The following PRAMEF9 variants were observed in gnomAD, a reference collection of about 807,000 sequenced individuals.
The protein encoded by PRAMEF9 is PRAME family member 9/15.
Under a neutral mutation model 10.9 loss-of-function variants are expected in PRAMEF9, and 1 was observed. That is an observed-to-expected ratio of 0.09 (90% CI 0.03 to 0.44). PRAMEF9 has a LOEUF of 0.44. Among genes scored for constraint, PRAMEF9 ranks in the 20% least tolerant of loss-of-function variants. The pLI, the probability that PRAMEF9 is intolerant of heterozygous loss-of-function variation, is 0.97. For synonymous variants in PRAMEF9, 40 were observed against 148.3 expected, an observed-to-expected ratio of 0.27 and a Z score of 5.31; for missense variants, 126 against 379.8, an observed-to-expected ratio of 0.33 and a Z score of 5.55.
intron 1 of PRAMEF9, 107 bp from the exon 2 acceptor site, chr1:13,175,158 G>C: frequency 1.6e-6 from 2 of 1,254,762 alleles, no homozygotes; most frequent in Non-Finnish European, 2.3e-6. Context: ...GTAAACTGAG[G>C]GCTGTTTCAC....
Position 13,172,339 on chromosome 1 carries a change from C to G in PRAMEF9, c.-210C>G, listed in dbSNP as rs1423484764. 6.2e-5 allele frequency: 9 copies of G among 144,186 alleles called. No individual in the cohort carries two copies. Among genetic ancestry groups the G allele is most frequent in the African/African-American group, 2.0e-4 (8 of 40,996 alleles). The allele number at this position is 144,186 out of a possible 1,614,324, so 8.9% of individuals were successfully genotyped here. On this transcript the variant is annotated 5_prime_UTR_variant, in exon 1 of 4. Transcript: ENST00000415919. ...ATTACCTGGGTGGAGTGGAGCTTCA[C>G]AAATGCAATCAGATATCATTTTTTG...
chr1:13,172,593 G>A (rs1638338520), intron 1 of PRAMEF9, 61 bp downstream of exon 1: 2 of 138,048 alleles, frequency 1.4e-5, no homozygotes, highest in African/African-American at 4.9e-5. Context: ...AGTCTGGGAT[G>A]GTGACAGTGC....
chr1:13,177,298 C>CT (rs1362820148), intron 3 of PRAMEF9: 358 of 52,650 alleles, frequency 6.8e-3, no homozygotes, highest in South Asian at 0.029. Flanking sequence ...AACAAGATAA[C>CT]TTTTTTTTTT....
In PRAMEF9 at chr1:13,179,110, A is replaced by T. The variant is rs1406067172; in HGVS notation, c.1415A>T (p.Glu472Val). The T allele has an allele frequency of 6.5e-7, 1 of 1,540,534 alleles. No individual in the cohort carries two copies. The highest frequency in any genetic ancestry group is 8.9e-7 in the Non-Finnish European group (1 of 1,122,204). ...GGCAACAGGTCATTTTATGACCTGG[A>T]GGCAGATCAATACTGCTGTTGAATG... is the stretch of plus-strand genomic sequence containing the variant. ...DCGNRSFYDL[E>V]ADQYCC The change falls in exon 4 of 4, where the codon GAG becomes GTG. Residue 472 changes from glutamate (E) to valine (V), a missense_variant. Transcript: ENST00000415919.
rs1638318165 is a variant in PRAMEF9 at position 13,171,863 on chromosome 1, C to G, written c.-686C>G. ...TGGAATCAAATGTAGTTCTCTCTCT[C>G]TCTTTTTTCTTTTTCTTTTTTTTTT... On this transcript the variant is annotated 5_prime_UTR_variant, in exon 1 of 4. Coordinates refer to ENST00000415919, the MANE Select transcript of PRAMEF9 (RefSeq NM_001010890.3). 2.3e-5 allele frequency: 3 copies of G among 131,444 alleles called. No homozygotes were observed. The highest frequency in any genetic ancestry group is 8.5e-5 in the Admixed American group (1 of 11,722). The allele number at this position is 131,444 out of a possible 1,614,324, so 8.1% of individuals were successfully genotyped here.
chr1:13,172,242 A>G lies in PRAMEF9; in HGVS notation c.-307A>G, dbSNP rs1280867322. 1 of 144,782 alleles carries G rather than the reference A, an allele frequency of 6.9e-6. No homozygotes were observed. Among genetic ancestry groups the G allele is most frequent in the South Asian group, 2.2e-4 (1 of 4,582 alleles). 9.0% of individuals were successfully genotyped at this position (144,782 alleles called of 1,614,324 possible). A position where few individuals can be genotyped will look rare whatever the true frequency, so the allele number is the denominator to read the frequency against. ...GTCAATTTCTTGCTTCGTGAAGTGAATATAGATATGTGATATGAATGGACA... is the reference window on the plus strand; with the variant it reads ...GTCAATTTCTTGCTTCGTGAAGTGAGTATAGATATGTGATATGAATGGACA... On this transcript the variant is annotated 5_prime_UTR_variant, in exon 1 of 4. Transcript: ENST00000415919.
chr1:13,178,978 T>C lies in PRAMEF9; in HGVS notation c.1283T>C (p.Leu428Pro). The change falls in exon 4 of 4, where the codon CTC (leucine) becomes CCC (proline). Residue 428 changes from leucine to proline, a missense_variant. Coordinates refer to ENST00000415919, the MANE Select transcript of PRAMEF9 (RefSeq NM_001010890.3). ...PRESYGADGT[L>P]CWSRFAQIRA... is the part of the protein sequence containing the mutation. ...GAGAGTTATGGTGCTGATGGTACTC[T>C]CTGCTGGAGCAGATTTGCTCAAATT... 1 of 1,540,544 alleles carries C rather than the reference T, an allele frequency of 6.5e-7. No individual in the cohort carries two copies. Among genetic ancestry groups the C allele is most frequent in the Non-Finnish European group, 8.9e-7 (1 of 1,122,822 alleles).
chr1:13,175,059 T>G lies in PRAMEF9; in HGVS notation c.-16-206T>G, dbSNP rs1435892282. 6.7e-6 allele frequency: 4 copies of G among 596,976 alleles called. No individual in the cohort carries two copies. The Admixed American group carries it at 9.6e-5, about 14-fold the overall frequency. The allele number at this position is 596,976 out of a possible 1,614,324, so 37.0% of individuals were successfully genotyped here. On this transcript the variant is annotated intron_variant, in intron 1 of 3. Transcript: ENST00000415919. Reference sequence around the variant, plus strand: ...AGAAAGGAAGGGCTCGTGGTGACCCTGCTTCCTCACTGCTTCGGAGACGCT... The same window carrying G: ...AGAAAGGAAGGGCTCGTGGTGACCCGGCTTCCTCACTGCTTCGGAGACGCT...
At position 13,175,593 on chromosome 1, in the gene PRAMEF9, C is replaced by T. The variant is rs1348342950; in HGVS notation, c.293+20C>T. The T allele has an allele frequency of 9.2e-6, 14 of 1,520,774 alleles. 2 individuals carry two copies. The highest frequency in any genetic ancestry group is 2.2e-4 in the Middle Eastern group (1 of 4,554). The allele number at this position is 1,520,774 out of a possible 1,614,324, so 94.2% of individuals were successfully genotyped here. On this transcript the variant is annotated intron_variant, in intron 2 of 3. Coordinates refer to ENST00000415919, the MANE Select transcript of PRAMEF9 (RefSeq NM_001010890.3). ...TCCCAGGTGAGGTGGCCCAGGTGGG[C>T]TGGTGGGGAGGGCCCAGGTGTCCAA...
rs1447712040 is a variant in PRAMEF9, at chr1:13,172,390, G to A, written c.-159G>A. On this transcript the variant is annotated 5_prime_UTR_variant, in exon 1 of 4. Coordinates refer to ENST00000415919, the MANE Select transcript of PRAMEF9 (RefSeq NM_001010890.3). ...ATTGGAAGCTAGCAGCGGATACGTG[G>A]AGGGGCGTGGGTGGGAGTTATGATT... is the stretch of plus-strand genomic sequence containing the variant. The A allele has an allele frequency of 2.1e-5, 3 of 143,908 alleles. No homozygotes were observed. Among genetic ancestry groups the A allele is most frequent in the East Asian group, 2.2e-4 (1 of 4,526 alleles). 8.9% of individuals were successfully genotyped at this position (143,908 alleles called of 1,614,324 possible).
chr1:13,172,241 A>C lies in PRAMEF9; in HGVS notation c.-308A>C, dbSNP rs1443390821. On this transcript the variant is annotated 5_prime_UTR_variant, in exon 1 of 4. The change abolishes the stop of an existing upstream ORF in the 5' untranslated region. Transcript: ENST00000415919. The stretch of plus-strand genomic sequence containing the variant: ...TGTCAATTTCTTGCTTCGTGAAGTG[A>C]ATATAGATATGTGATATGAATGGAC... The C allele has an allele frequency of 6.9e-6, 1 of 144,810 alleles. No individual in the cohort carries two copies. The highest frequency in any genetic ancestry group is 1.6e-5 in the Non-Finnish European group (1 of 64,030). 9.0% of individuals were successfully genotyped at this position (144,810 alleles called of 1,614,324 possible).
Position 13,175,513 on chromosome 1 carries a change from A to G in PRAMEF9, c.233A>G (p.Glu78Gly). 2 of 1,531,822 alleles carry G rather than the reference A, an allele frequency of 1.3e-6. 1 individual carries two copies. The highest frequency in any genetic ancestry group is 2.3e-5 in the South Asian group (2 of 88,590). 94.9% of individuals were successfully genotyped at this position (1,531,822 alleles called of 1,614,324 possible). The change falls in exon 2 of 4, where the codon GAG becomes GGG. Residue 78 changes from glutamate to glycine, a missense_variant. Physicochemically the swap from Glu to Gly is moderately conservative, Grantham distance 98 (BLOSUM62 -2). Transcript: ENST00000415919. ...CCTCTGATAAAGATGCCTTGTCTGG[A>G]GGCCTTCCAAGCTGTGCTCGATGGG... is the stretch of plus-strand genomic sequence containing the variant. ...LRPLIKMPCLEAFQAVLDGLD... is the reference protein window; with the variant it reads ...LRPLIKMPCLGAFQAVLDGLD...
In PRAMEF9 at chr1:13,172,066, G is replaced by A. The variant is rs1368212646; in HGVS notation, c.-483G>A. 3.5e-5 allele frequency: 5 copies of A among 142,772 alleles called. No homozygotes were observed. Among genetic ancestry groups the A allele is most frequent in the African/African-American group, 1.2e-4 (5 of 40,844 alleles). The allele number at this position is 142,772 out of a possible 1,614,324, so 8.8% of individuals were successfully genotyped here. A position where few individuals can be genotyped will look rare whatever the true frequency, so the allele number is the denominator to read the frequency against. Reference sequence around the variant, plus strand: ...ATTTTTGTAATTTTAGTAGAGGTAGGGTTTTACCATGTTGGCCAGGCTTGT... The same window carrying A: ...ATTTTTGTAATTTTAGTAGAGGTAGAGTTTTACCATGTTGGCCAGGCTTGT... On this transcript the variant is annotated 5_prime_UTR_variant, in exon 1 of 4. Coordinates refer to ENST00000415919, the MANE Select transcript of PRAMEF9 (RefSeq NM_001010890.3).
At chr1:13,172,840 C>G (rs1638343131) in intron 1 of PRAMEF9, 1 of 141,264 alleles carries the variant, frequency 7.1e-6, no homozygotes, top group African/African-American at 2.5e-5. Flanking sequence ...TGAGACCAAC[C>G]TGGGCAACAT....
rs1468124694 is a variant in PRAMEF9, at chr1:13,172,845, C to T, written c.-17+313C>T. 5 of 140,952 alleles carry T rather than the reference C, an allele frequency of 3.5e-5. 2 individuals are homozygous for T. Among genetic ancestry groups the T allele is most frequent in the Non-Finnish European group, 8.0e-5 (5 of 62,196 alleles). 8.7% of individuals were successfully genotyped at this position (140,952 alleles called of 1,614,324 possible). On this transcript the variant is annotated intron_variant, in intron 1 of 3. Coordinates refer to ENST00000415919, the MANE Select transcript of PRAMEF9 (RefSeq NM_001010890.3). ...CCCAGGGGTTTGAGACCAACCTGGGCAACATGACAAAAACCCTCCTCTACA... is the reference window on the plus strand; with the variant it reads ...CCCAGGGGTTTGAGACCAACCTGGGTAACATGACAAAAACCCTCCTCTACA...
chr1:13,172,338 A>G lies in PRAMEF9; in HGVS notation c.-211A>G, dbSNP rs1170195089. Reference sequence around the variant, plus strand: ...GATTACCTGGGTGGAGTGGAGCTTCACAAATGCAATCAGATATCATTTTTT... The same window carrying G: ...GATTACCTGGGTGGAGTGGAGCTTCGCAAATGCAATCAGATATCATTTTTT... On this transcript the variant is annotated 5_prime_UTR_variant, in exon 1 of 4. Transcript: ENST00000415919. The G allele has an allele frequency of 6.2e-5, 9 of 144,282 alleles. No individual in the cohort carries two copies. The highest frequency in any genetic ancestry group is 2.2e-4 in the African/African-American group (9 of 41,016). 8.9% of individuals were successfully genotyped at this position (144,282 alleles called of 1,614,324 possible).
At chr1:13,172,573 A>AGAGT (rs1638338064) in intron 1 of PRAMEF9, 41 bp downstream of exon 1, 1 of 139,842 alleles carries the variant, frequency 7.2e-6, no homozygotes, top group East Asian at 2.5e-4. Context: ...CATCTGACCT[A>AGAGT]CAGTCAGTCA....
chr1:13,175,529 G>T lies in PRAMEF9; in HGVS notation c.249G>T (p.Val83=). 6.5e-7 allele frequency: 1 copy of T among 1,534,284 alleles called. No individual in the cohort carries two copies. The highest frequency in any genetic ancestry group is 8.9e-7 in the Non-Finnish European group (1 of 1,119,284). ...CTTGTCTGGAGGCCTTCCAAGCTGT[G>T]CTCGATGGGCTGGATGCACTGCTTA... ...KMPCLEAFQA[V]LDGLDALLTQ... is the part of the protein sequence containing the mutation. Residue 83 remains valine, a synonymous_variant, in exon 2 of 4, where the codon GTG becomes GTT. Coordinates refer to ENST00000415919, the MANE Select transcript of PRAMEF9 (RefSeq NM_001010890.3).
At chr1:13,172,670 T>C (rs1407395628) in intron 1 of PRAMEF9, 138 bp downstream of exon 1, 1 of 133,578 alleles carries the variant, frequency 7.5e-6, no homozygotes, top group African/African-American at 2.5e-5. Context: ...TTTGAAGCTT[T>C]GAATGTTTTC....
Sources: gnomAD v4.1 joint callset for allele counts on GRCh38, gnomAD v4.1.1 for gene constraint, MANE v1.5 for transcripts, NCBI Gene and HGNC (gene_info 2026-07-23, HGNC 2026-07-21) for gene names.